Variants in TAF6 observed in about 807,000 individuals in gnomAD.
The protein encoded by TAF6 is transcription initiation factor TFIID subunit 6.
A neutral mutation model predicts 73.5 loss-of-function variants in TAF6; 50 were observed. That is an observed-to-expected ratio of 0.68 (90% CI 0.54 to 0.86). The LOEUF is 0.86. TAF6 is among the 40% of genes least tolerant of loss of function. The probability of loss-of-function intolerance (pLI) is 0.00; values close to 1 mark genes in which losing one functional copy is unlikely to be tolerated. For synonymous variants in TAF6, 424 were observed against 376.7 expected (o/e 1.13, Z -1.45); for missense variants, 768 against 899.5 (o/e 0.85, Z 1.87).
At chr7:100,123,810 G>A (rs933445672), upstream of TAF6, among the ~76,000 whole-genome samples, 6 of 152,204 alleles carry the variant, frequency 3.9e-5, no homozygotes, top group African/African-American at 1.4e-4. Flanking sequence ...ATGAGCCATT[G>A]GGCCCTGCCT....
At chr7:100,124,501 T>C (rs1415346412), upstream of TAF6, 1 of 1,594,600 alleles carries the variant, frequency 6.3e-7, no homozygotes, top group Non-Finnish European at 8.6e-7. Context: ...TTCTGGCCCT[T>C]CTACTTGACC....
At chr7:100,124,909 G>A in the TAF6 span, 1 of 1,562,764 alleles carries the variant, frequency 6.4e-7, no homozygotes, top group African/African-American at 1.4e-5. Flanking sequence ...TGAGCCCCCA[G>A]GAGGGGAAGG....
At chr7:100,117,239 C>T (rs1797741178) in intron 1 of TAF6, among the ~76,000 whole-genome samples, 1 of 150,366 alleles carries the variant, frequency 6.7e-6, no homozygotes, top group East Asian at 2.0e-4. Context: ...AGTGAGACCC[C>T]GTCTCCGTCC....
rs1019273973 is a variant in TAF6, at chr7:100,108,734, CA to C, written c.1285-195del. 5.6e-6 allele frequency: 3 copies of C among 536,700 alleles called. No individual in the cohort carries two copies. In the Admixed American group the frequency reaches 1.0e-4, roughly 19 times the overall value. The allele number at this position is 536,700 out of a possible 1,614,324, so 33.2% of individuals were successfully genotyped here. The stretch of plus-strand genomic sequence containing the variant: ...GTGTACAGAACACTGTGGGCTTTCT[CA>C]TAAGAAAAGATGGGCACGGGGCCAG... On this transcript the variant is annotated intron_variant, in intron 12 of 14. Coordinates refer to ENST00000453269, the MANE Select transcript of TAF6 (RefSeq NM_139315.3).
rs1797393850 is a variant in TAF6, at chr7:100,113,535, T to C, written c.397+81A>G. On this transcript the variant is annotated intron_variant, in intron 4 of 14. Transcript: ENST00000453269. ...CAGGGATCTCACACTGAGCTTTTCT[T>C]CTATTGTGAGGCTCCTCACACCTAC... The C allele has an allele frequency of 3.2e-6, 5 of 1,558,652 alleles. No individual in the cohort carries two copies. In the African/African-American group the frequency reaches 5.5e-5, roughly 17 times the overall value.
chr7:100,120,341 A>C (rs1029154287), upstream of TAF6: 6 of 152,998 alleles, frequency 3.9e-5, no homozygotes, highest in Non-Finnish European at 8.8e-5. Context: ...TGAAGCTCAT[A>C]AACAAAAGGA....
At position 100,107,439 on chromosome 7, in the gene TAF6, G is replaced by A. The variant is rs1796644880; in HGVS notation, c.1841C>T (p.Thr614Ile). 3 of 1,612,136 alleles carry A rather than the reference G, an allele frequency of 1.9e-6. No homozygotes were observed. The highest frequency in any genetic ancestry group is 2.7e-5 in the African/African-American group (2 of 74,900). The change falls in exon 15 of 15, where the codon ACA becomes ATA. Residue 614 changes from threonine (T) to isoleucine (I), a missense_variant. Coordinates refer to ENST00000453269, the MANE Select transcript of TAF6 (RefSeq NM_139315.3). ...QKYIVVSLPP[T>I]GEGKGGPTSH... ...GGTGGGGCCTCCTTTGCCCTCCCCT[G>A]TTGGGGGAAGTGAGACCACGATGTA...
upstream of TAF6, chr7:100,121,110 ATATATAT>A (rs1562938250): frequency 3.5e-5 from 1 of 28,396 alleles, no homozygotes; most frequent in Admixed American, 3.9e-4. Flanking sequence ...ATATATATAT[ATATATAT>A]TTTTTTTTTT....
upstream of TAF6, chr7:100,119,624 A>C: frequency 6.3e-7 from 1 of 1,591,870 alleles, no homozygotes; most frequent in Non-Finnish European, 8.6e-7. Flanking sequence ...GATCCTGCGC[A>C]TGCGCCGACC....
rs1239279587 is a variant in TAF6 at position 100,107,378 on chromosome 7, G to A, written c.1902C>T (p.Ser634=). ...GGGCACTGCCGCTGAGTGGGGACGG[G>A]GACGATGCCGGGGGAGGAACTGGAG... ...HPSPVPPPAS[S]PSPLSGSALC... is the part of the protein sequence containing the mutation. The change falls in exon 15 of 15, where the codon TCC becomes TCT. Residue 634 remains serine, a synonymous_variant. Transcript: ENST00000453269. 5 of 1,590,842 alleles carry A rather than the reference G, an allele frequency of 3.1e-6. No individual in the cohort carries two copies. Among genetic ancestry groups the A allele is most frequent in the Non-Finnish European group, 4.3e-6 (5 of 1,165,994 alleles).
intron 3 of TAF6, 49 bp from the exon 4 acceptor site, chr7:100,113,818 T>C (rs750579197): frequency 3.1e-6 from 5 of 1,609,412 alleles, no homozygotes; most frequent in Middle Eastern, 1.7e-4. Flanking sequence ...GGAGGAGACC[T>C]GGCTGAAGGA....
At chr7:100,124,990 TC>T in the TAF6 span, 1 of 1,343,060 alleles carries the variant, frequency 7.4e-7, no homozygotes, top group Non-Finnish European at 1.0e-6. Context: ...TATGAGTGAC[TC>T]CACCCAAGCT....
upstream of TAF6, chr7:100,122,490 G>T: frequency 6.2e-7 from 1 of 1,614,046 alleles, no homozygotes; most frequent in Non-Finnish European, 8.5e-7. Flanking sequence ...GAGAGACAAG[G>T]CTGGAAGAGG....
intron 10 of TAF6, among the ~76,000 whole-genome samples, chr7:100,110,821 AAAAC>A (rs1797111540): frequency 6.6e-6 from 1 of 152,106 alleles, no homozygotes; most frequent in Non-Finnish European, 1.5e-5. Context: ...CAAAAAAACA[AAAAC>A]AAAAAAATTA....
chr7:100,119,486 G>A, upstream of TAF6: 2 of 1,352,894 alleles, frequency 1.5e-6, no homozygotes, highest in Non-Finnish European at 1.9e-6. Context: ...CTATATATAA[G>A]GAGCACTCCC....
At chr7:100,113,480 G>T in intron 4 of TAF6, 75 bp from the exon 5 acceptor site, 1 of 1,528,966 alleles carries the variant, frequency 6.5e-7, no homozygotes, top group Non-Finnish European at 8.8e-7. Flanking sequence ...ATGGAAGCGT[G>T]TTTCCACTCC....
At chr7:100,122,378 A>T, upstream of TAF6, 1 of 1,614,080 alleles carries the variant, frequency 6.2e-7, no homozygotes, top group Non-Finnish European at 8.5e-7. Context: ...CGTGCCTTAC[A>T]GCGTTTCGTG....
intron 12 of TAF6, 107 bp downstream of exon 12, chr7:100,109,841 T>C: frequency 6.6e-7 from 1 of 1,516,532 alleles, no homozygotes; most frequent in African/African-American, 1.4e-5. Flanking sequence ...CAATGTCCTC[T>C]GAAAACATGA....
chr7:100,114,016 T>C (rs776073168), intron 2 of TAF6, 38 bp downstream of exon 2: 14 of 1,613,934 alleles, frequency 8.7e-6, no homozygotes, highest in Middle Eastern at 1.6e-4. Flanking sequence ...CTGGGTGACA[T>C]GGACCCAATG....
Sources: gnomAD v4.1 joint callset for allele counts (sites outside exome capture counted in the v4.1 genomes callset) on GRCh38, gnomAD v4.1.1 for gene constraint, MANE v1.5 for transcripts, NCBI Gene and HGNC (gene_info 2026-07-23, HGNC 2026-07-21) for gene names.